The following GRID2 variants were observed in gnomAD, a reference collection of about 807,000 sequenced individuals.
GRID2 encodes glutamate ionotropic receptor delta type subunit 2.
Under a neutral mutation model 114.8 loss-of-function variants are expected in GRID2, and 33 were observed. The ratio of observed to expected loss-of-function variants is 0.29; its 90% CI spans 0.22 to 0.38. GRID2 has a LOEUF of 0.38. Ranked by LOEUF, GRID2 falls within the 10% of genes least tolerant of loss-of-function variation. The probability of loss-of-function intolerance (pLI) is 1.00; values close to 1 mark genes in which losing one functional copy is unlikely to be tolerated. For missense variants in GRID2, 1,184 were observed against 1,257.7 expected (o/e 0.94, Z 0.89); for synonymous variants, 505 against 449.9 (o/e 1.12, Z -1.55).
intron 2 of GRID2, among the ~76,000 whole-genome samples, chr4:92,644,271 T>C (rs1731506762): frequency 6.6e-6 from 1 of 151,750 alleles, no homozygotes; most frequent in African/African-American, 2.4e-5. Context: ...ATACAACATA[T>C]AAGTAAAATG....
chr4:93,336,679 T>C (rs1759126177), intron 8 of GRID2, among the ~76,000 whole-genome samples: 1 of 152,130 alleles, frequency 6.6e-6, no homozygotes, highest in Admixed American at 6.6e-5. Context: ...AAGTCCCTAT[T>C]TTGCCTCATT....
chr4:93,206,094 GATAATA>G (rs957585226), intron 4 of GRID2, among the ~76,000 whole-genome samples: 1 of 151,598 alleles, frequency 6.6e-6, no homozygotes, highest in Non-Finnish European at 1.5e-5. Context: ...AATTAAAAAT[GATAATA>G]ATAATAAAGC....
chr4:93,121,252 A>C (rs1733759074), intron 4 of GRID2, among the ~76,000 whole-genome samples: 1 of 152,128 alleles, frequency 6.6e-6, no homozygotes, highest in East Asian at 1.9e-4. Context: ...CAACTCAACA[A>C]ATTTCCGTGT....
chr4:92,998,383 C>T (rs1755333865), intron 2 of GRID2, among the ~76,000 whole-genome samples: 1 of 151,878 alleles, frequency 6.6e-6, no homozygotes, highest in South Asian at 2.1e-4. Context: ...TGAACATGTT[C>T]TTTCTGTGTT....
intron 8 of GRID2, among the ~76,000 whole-genome samples, chr4:93,342,051 C>A (rs1759713218): frequency 6.6e-6 from 1 of 152,090 alleles, no homozygotes; most frequent in Non-Finnish European, 1.5e-5. Context: ...TTGTATCCTA[C>A]CCCTCTATAA....
intron 1 of GRID2, among the ~76,000 whole-genome samples, chr4:92,439,489 GGA>G (rs1373919551): frequency 6.6e-6 from 1 of 152,006 alleles, no homozygotes; most frequent in Non-Finnish European, 1.5e-5. Flanking sequence ...GGGGTGGTAT[GGA>G]GAGAGAATGG....
At chr4:93,553,939 A>T (rs1259247150) in intron 13 of GRID2, among the ~76,000 whole-genome samples, 1 of 152,172 alleles carries the variant, frequency 6.6e-6, no homozygotes, top group Non-Finnish European at 1.5e-5. Context: ...AAATGAATCA[A>T]CATTTATCTA....
intron 2 of GRID2, among the ~76,000 whole-genome samples, chr4:93,003,151 A>G (rs1721175775): frequency 6.6e-6 from 1 of 151,888 alleles, no homozygotes; most frequent in Non-Finnish European, 1.5e-5. Context: ...TAGCATTTAA[A>G]TATCTTTGTG....
At chr4:92,947,148 A>G (rs973712878) in intron 2 of GRID2, among the ~76,000 whole-genome samples, 2 of 152,060 alleles carry the variant, frequency 1.3e-5, no homozygotes, top group African/African-American at 4.8e-5. Flanking sequence ...CTTTACCAAT[A>G]TCTCACAGTC....
intron 14 of GRID2, among the ~76,000 whole-genome samples, chr4:93,685,242 G>A (rs1324646646): frequency 6.6e-6 from 1 of 152,008 alleles, no homozygotes; most frequent in Admixed American, 6.6e-5. Flanking sequence ...TTGTATCCCT[G>A]TTCTGAGGAC....
intron 8 of GRID2, among the ~76,000 whole-genome samples, chr4:93,343,495 A>T (rs1442471983): frequency 6.6e-6 from 1 of 152,096 alleles, no homozygotes; most frequent in Non-Finnish European, 1.5e-5. Context: ...AAAAAGATAC[A>T]GTGAAAGGGC....
chr4:93,249,862 T>C (rs1316280296), intron 8 of GRID2, among the ~76,000 whole-genome samples: 1 of 151,994 alleles, frequency 6.6e-6, no homozygotes, highest in Admixed American at 6.6e-5. Context: ...CTGGAGAGGA[T>C]ATGGAGAAAT....
chr4:92,712,131 A>G (rs892117731), intron 2 of GRID2, among the ~76,000 whole-genome samples: 1 of 140,248 alleles, frequency 7.1e-6, no homozygotes, highest in African/African-American at 2.6e-5. Flanking sequence ...CATAAAGTAT[A>G]TAAGAGTTTC....
chr4:93,376,528 C>T (rs1474506566), intron 8 of GRID2, among the ~76,000 whole-genome samples: 2 of 152,014 alleles, frequency 1.3e-5, no homozygotes, highest in Admixed American at 6.6e-5. Context: ...TAAAGCAATT[C>T]AAGATACACA....
chr4:93,006,336 G>A (rs535745494), intron 2 of GRID2, among the ~76,000 whole-genome samples: 49 of 152,144 alleles, frequency 3.2e-4, no homozygotes, highest in African/African-American at 1.0e-3. Flanking sequence ...ACCTAGCAGC[G>A]GCTGAGAGTG....
chr4:92,653,551 A>G (rs1401961844), intron 2 of GRID2, among the ~76,000 whole-genome samples: 1 of 151,924 alleles, frequency 6.6e-6, no homozygotes, highest in Admixed American at 6.6e-5. Flanking sequence ...ATGAAAATAG[A>G]GAATCTGTTA....
chr4:93,781,451 G>A (rs1030427529), intron 1 of GRID2, among the ~76,000 whole-genome samples: 1 of 151,756 alleles, frequency 6.6e-6, no homozygotes, highest in African/African-American at 2.4e-5. Flanking sequence ...CTGCGGTGAG[G>A]CCCACTGGGC....
At chr4:92,372,110 C>T (rs530551018) in intron 1 of GRID2, among the ~76,000 whole-genome samples, 3 of 152,232 alleles carry the variant, frequency 2.0e-5, no homozygotes, top group African/African-American at 4.8e-5. Context: ...TGAGGAGTTA[C>T]GCATAGATAA....
chr4:92,544,182 T>G (rs1726124191), intron 1 of GRID2, among the ~76,000 whole-genome samples: 1 of 152,178 alleles, frequency 6.6e-6, no homozygotes, highest in African/African-American at 2.4e-5. Flanking sequence ...TTATCTGAGC[T>G]GAGACCCCTG....
Sources: gnomAD v4.1 joint callset for allele counts (sites outside exome capture counted in the v4.1 genomes callset) on GRCh38, gnomAD v4.1.1 for gene constraint, MANE v1.5 for transcripts, NCBI Gene and HGNC (gene_info 2026-07-23, HGNC 2026-07-21) for gene names.